Variants in AHCYL2 observed in about 807,000 individuals in gnomAD.
The protein encoded by AHCYL2 is S-adenosylhomocysteine hydrolase-like protein 2.
In AHCYL2, 28 loss-of-function variants were observed where a neutral mutation model predicts 81.4. The ratio of observed to expected loss-of-function variants is 0.34; its 90% CI spans 0.25 to 0.47. The LOEUF (loss-of-function observed/expected upper bound fraction) is 0.47, where lower values mean the gene tolerates loss of function less well. Among genes scored for constraint, AHCYL2 ranks in the 20% least tolerant of loss-of-function variants. AHCYL2 has a pLI of 1.00. For missense variants in AHCYL2, 551 were observed against 785.1 expected (o/e 0.70, Z 3.56); for synonymous variants, 272 against 290.2 (o/e 0.94, Z 0.64).
At chr7:129,363,958 C>T (rs980650167) in intron 1 of AHCYL2, among the ~76,000 whole-genome samples, 10 of 151,808 alleles carry the variant, frequency 6.6e-5, no homozygotes, top group East Asian at 3.9e-4. Context: ...AGGCTGGGCA[C>T]GGTGGCTCAT....
chr7:129,333,965 C>A (rs1798508912), intron 1 of AHCYL2, among the ~76,000 whole-genome samples: 1 of 152,052 alleles, frequency 6.6e-6, no homozygotes, highest in South Asian at 2.1e-4. Flanking sequence ...CTTTTTCTTA[C>A]ACAATAGGGT....
intron 1 of AHCYL2, among the ~76,000 whole-genome samples, chr7:129,245,997 A>C (rs1279422507): frequency 6.6e-6 from 1 of 151,970 alleles, no homozygotes; most frequent in African/African-American, 2.4e-5. Flanking sequence ...ATTTTTATAC[A>C]TCGACAACAC....
intron 1 of AHCYL2, among the ~76,000 whole-genome samples, chr7:129,280,826 T>C (rs1410216409): frequency 1.3e-5 from 2 of 152,004 alleles, no homozygotes; most frequent in Admixed American, 1.3e-4. Flanking sequence ...AATGATCACA[T>C]GATCTTTTTA....
chr7:129,225,200 G>GC lies in AHCYL2; in HGVS notation c.131dup (p.Ala45GlyfsTer7), dbSNP rs753235406. 1.1e-5 allele frequency: 17 copies of GC among 1,551,358 alleles called. No individual in the cohort carries two copies. The highest frequency in any genetic ancestry group is 2.5e-5 in the East Asian group (1 of 40,020). ...GAGCACGGCCGCCGTGGGCGCCATG[G>GC]CCCCCCCGGCGGGCGGTGGAGACCC... On this transcript the variant is annotated frameshift_variant, in exon 1 of 17. Coordinates refer to ENST00000325006, the MANE Select transcript of AHCYL2 (RefSeq NM_015328.4). LOFTEE classifies it high-confidence loss of function.
At chr7:129,315,334 G>T (rs769817323) in intron 1 of AHCYL2, among the ~76,000 whole-genome samples, 6 of 152,064 alleles carry the variant, frequency 3.9e-5, no homozygotes, top group Non-Finnish European at 7.4e-5. Flanking sequence ...CCAGTACCTT[G>T]GTTCTTTCCT....
At chr7:129,375,579 G>T in intron 1 of AHCYL2, 1 of 1,250,326 alleles carries the variant, frequency 8.0e-7, no homozygotes. Context: ...AGAGGTCAGA[G>T]GATCCATGTA....
rs555219692 is a variant in AHCYL2, at chr7:129,320,650, T to A, written c.364-58988T>A. ...TAAAAAAATTGAGATATAAATAATA[T>A]GCCATAAAATCTTCCTTTTTGAAGT... On this transcript the variant is annotated intron_variant, in intron 1 of 16. Transcript: ENST00000325006. Among the ~76,000 whole-genome samples, 12 of 152,284 alleles carry A rather than the reference T, an allele frequency of 7.9e-5. 1 individual carries two copies. The highest frequency in any genetic ancestry group is 2.9e-4 in the African/African-American group (12 of 41,562).
chr7:129,349,197 A>G (rs1299124568), intron 1 of AHCYL2, among the ~76,000 whole-genome samples: 1 of 152,180 alleles, frequency 6.6e-6, no homozygotes, highest in African/African-American at 2.4e-5. Flanking sequence ...TTTTGATTCT[A>G]TCTAGGTTTA....
chr7:129,386,170 G>A (rs1795192471), intron 2 of AHCYL2, among the ~76,000 whole-genome samples: 1 of 151,970 alleles, frequency 6.6e-6, no homozygotes, highest in South Asian at 2.1e-4. Flanking sequence ...TCCGTATAAA[G>A]GGCTCTTTGA....
intron 2 of AHCYL2, among the ~76,000 whole-genome samples, chr7:129,386,417 C>T (rs534829316): frequency 1.3e-5 from 2 of 151,272 alleles, no homozygotes; most frequent in African/African-American, 2.4e-5. Context: ...GAGCTGAGAT[C>T]GTGCTACTGT....
intron 1 of AHCYL2, among the ~76,000 whole-genome samples, chr7:129,346,676 TC>T (rs1478232160): frequency 3.3e-5 from 5 of 152,184 alleles, no homozygotes; most frequent in African/African-American, 1.2e-4. Context: ...AGGAACTGAT[TC>T]GTTGGTGGGT....
chr7:129,386,185 G>C (rs1027445876), intron 2 of AHCYL2, among the ~76,000 whole-genome samples: 2 of 151,986 alleles, frequency 1.3e-5, no homozygotes, highest in Non-Finnish European at 2.9e-5. Flanking sequence ...CTTTGAGGCC[G>C]GGCATGGTGG....
chr7:129,399,245 G>T (rs868050384), intron 5 of AHCYL2, among the ~76,000 whole-genome samples: 1 of 149,256 alleles, frequency 6.7e-6, no homozygotes, highest in African/African-American at 2.5e-5. Context: ...TCAGAAGTTC[G>T]AGACCAGCCT....
At chr7:129,392,784 C>T (rs776039386) in intron 4 of AHCYL2, among the ~76,000 whole-genome samples, 21 of 152,318 alleles carry the variant, frequency 1.4e-4, no homozygotes, top group Middle Eastern at 3.4e-3. Flanking sequence ...AGAATCCAGT[C>T]CATGGTTATA....
chr7:129,424,651 T>C (rs1483707502), intron 13 of AHCYL2: 2 of 587,526 alleles, frequency 3.4e-6, no homozygotes, highest in Non-Finnish European at 6.1e-6. Flanking sequence ...TTTTAAATAA[T>C]TCCAGAAATC....
intron 1 of AHCYL2, among the ~76,000 whole-genome samples, chr7:129,255,284 GAAAC>G (rs1563168245): frequency 1.3e-5 from 2 of 151,830 alleles, no homozygotes; most frequent in Non-Finnish European, 2.9e-5. Flanking sequence ...AAAGTAAAAA[GAAAC>G]AAGTGAAATT....
At chr7:129,370,525 G>A (rs10271956) in intron 1 of AHCYL2, among the ~76,000 whole-genome samples, 9 of 151,864 alleles carry the variant, frequency 5.9e-5, no homozygotes, top group Non-Finnish European at 1.2e-4. Context: ...AGTGAAACCC[G>A]GTCTCTACTA....
intron 2 of AHCYL2, among the ~76,000 whole-genome samples, chr7:129,384,650 C>A (rs1248759867): frequency 1.3e-5 from 2 of 152,176 alleles, no homozygotes; most frequent in African/African-American, 4.8e-5. Context: ...GCCTCGTCTC[C>A]CTTCCTAAGG....
At chr7:129,354,331 T>A (rs1793666473) in intron 1 of AHCYL2, among the ~76,000 whole-genome samples, 1 of 152,142 alleles carries the variant, frequency 6.6e-6, no homozygotes. Context: ...AAGAAATTGT[T>A]TCCATTTAAT....
Sources: allele counts gnomAD v4.1 joint callset (sites outside exome capture counted in the v4.1 genomes callset), GRCh38; gene constraint gnomAD v4.1.1; transcripts MANE v1.5; gene names NCBI Gene and HGNC (gene_info 2026-07-23, HGNC 2026-07-21).